Variants in MAG observed in about 807,000 individuals in gnomAD.
The protein encoded by MAG is myelin-associated glycoprotein.
A neutral mutation model predicts 60.7 loss-of-function variants in MAG; 30 were observed. The observed-to-expected ratio is 0.49, with a 90% CI of 0.37 to 0.67. The LOEUF is 0.67. MAG is among the 30% of genes least tolerant of loss of function. MAG has a pLI of 0.00. For missense variants in MAG, 795 were observed against 851.7 expected (o/e 0.93, Z 0.83); for synonymous variants, 384 against 376.8 (o/e 1.02, Z -0.22).
chr19:35,313,377 C>A lies in MAG; in HGVS notation c.1804C>A (p.Leu602Met). 2 of 1,614,124 alleles carry A rather than the reference C, an allele frequency of 1.2e-6. No individual in the cohort carries two copies. Among genetic ancestry groups the A allele is most frequent in the Non-Finnish European group, 1.7e-6 (2 of 1,180,008 alleles). ...GGACCTGAGCTATTCTCACTCGGAC[C>A]TGGGGAAACGGCCCACCAAGGACAG... is the stretch of plus-strand genomic sequence containing the variant. ...ELDLSYSHSDLGKRPTKDSYT... is the reference protein window; with the variant it reads ...ELDLSYSHSDMGKRPTKDSYT... Residue 602 changes from leucine (L) to methionine (M), a missense_variant, in exon 11 of 11, where the codon CTG (leucine) becomes ATG (methionine). Transcript: ENST00000392213.
At chr19:35,311,713 G>A (rs1468256479) in intron 9 of MAG, among the ~76,000 whole-genome samples, 1 of 152,204 alleles carries the variant, frequency 6.6e-6, no homozygotes, top group Non-Finnish European at 1.5e-5. Flanking sequence ...CAGGGGCCAG[G>A]TGGCTCGTCC....
chr19:35,301,623 G>A (rs1331860303), intron 6 of MAG, among the ~76,000 whole-genome samples: 4 of 151,896 alleles, frequency 2.6e-5, no homozygotes, highest in African/African-American at 9.7e-5. Context: ...GTAGAGACAG[G>A]GTTTCACCAT....
chr19:35,292,476 G>A (rs981632725), intron 1 of MAG, among the ~76,000 whole-genome samples: 3 of 152,082 alleles, frequency 2.0e-5, no homozygotes, highest in Non-Finnish European at 4.4e-5. Context: ...TGCAGGAGAG[G>A]TTTCCTTGGG....
chr19:35,310,501 C>T lies in MAG; in HGVS notation c.1520-46C>T, dbSNP rs202241678. ...TCTCCAAAGTTCTCAGGTGTCGTCACCACCACCCATAGCCCTAAGGGCGCC... is the reference window on the plus strand; with the variant it reads ...TCTCCAAAGTTCTCAGGTGTCGTCATCACCACCCATAGCCCTAAGGGCGCC... On this transcript the variant is annotated intron_variant, in intron 8 of 10. Coordinates refer to ENST00000392213, the MANE Select transcript of MAG (RefSeq NM_002361.4). The T allele has an allele frequency of 3.7e-5, 57 of 1,534,166 alleles. No homozygotes were observed. The Middle Eastern group carries it at 5.1e-4, about 14-fold the overall frequency.
Position 35,311,947 on chromosome 19 carries a change from C to T in MAG, c.1646C>T (p.Ser549Leu), listed in dbSNP as rs767886169. 1.2e-5 allele frequency: 20 copies of T among 1,613,066 alleles called. No individual in the cohort carries two copies. Among genetic ancestry groups the T allele is most frequent in the South Asian group, 3.3e-5 (3 of 90,930 alleles). ...AACGTGACAGAGAGCCCCAGCTTCT[C>T]GGCAGGGGACAACCCTCCCGTCCTG... ...KKNVTESPSF[S>L]AGDNPPVLFS... The change falls in exon 10 of 11, where the codon TCG becomes TTG. Residue 549 changes from serine to leucine, a missense_variant. By Grantham distance (145) the Ser-to-Leu change is moderately radical (BLOSUM62 -2). Transcript: ENST00000392213.
At position 35,293,551 on chromosome 19, in the gene MAG, C is replaced by T. The variant is rs567569620; in HGVS notation, c.-79-684C>T. ...ATGTGTCTGTGCATGTGTCTCTGTC[C>T]GTGGGAAGAGGGCGGTGAAGGCTGG... On this transcript the variant is annotated intron_variant, in intron 1 of 10. Coordinates refer to ENST00000392213, the MANE Select transcript of MAG (RefSeq NM_002361.4). This position sits in a 1 kb window ranked among gnomAD's most constrained non-coding sequence, Gnocchi z 4.0. Among the ~76,000 whole-genome samples the T allele has an allele frequency of 3.9e-4, 60 of 152,208 alleles. No individual in the cohort carries two copies. The highest frequency in any genetic ancestry group is 1.4e-3 in the African/African-American group (57 of 41,502).
chr19:35,298,782 C>A (rs898992089), intron 4 of MAG, among the ~76,000 whole-genome samples: 7 of 147,762 alleles, frequency 4.7e-5, no homozygotes, highest in African/African-American at 1.8e-4. Flanking sequence ...CCACACACGA[C>A]CCAAACTACA....
intron 6 of MAG, among the ~76,000 whole-genome samples, chr19:35,300,941 C>T (rs2066444345): frequency 6.6e-6 from 1 of 152,040 alleles, no homozygotes; most frequent in Non-Finnish European, 1.5e-5. Flanking sequence ...GCTATGTTGC[C>T]CAGGCTGGTA....
Position 35,299,729 on chromosome 19 carries a change from G to A in MAG, c.591G>A (p.Val197=). The stretch of plus-strand genomic sequence containing the variant: ...TGCGGGAGGACGAGGGCACCTGGGT[G>A]CAGGTGTCACTGCTGCACTTCGTGC... The part of the protein sequence containing the change: ...GRLREDEGTW[V]QVSLLHFVPT... The change falls in exon 5 of 11, where the codon GTG becomes GTA. Residue 197 remains valine, a synonymous_variant. Transcript: ENST00000392213. The A allele has an allele frequency of 2.6e-6, 4 of 1,567,532 alleles. No homozygotes were observed. Among genetic ancestry groups the A allele is most frequent in the Non-Finnish European group, 3.5e-6 (4 of 1,158,094 alleles).
chr19:35,295,676 G>A lies in MAG; in HGVS notation c.110G>A (p.Cys37Tyr). ...TCCATCTCGGCCTTCGAAGGCACGT[G>A]CGTCTCCATCCCCTGCCGCTTTGAC... ...PSSISAFEGT[C>Y]VSIPCRFDFP... Residue 37 changes from cysteine to tyrosine, a missense_variant, in exon 4 of 11, where the codon TGC becomes TAC. Physicochemically the swap from Cys to Tyr is radical, Grantham distance 194. Transcript: ENST00000392213. The surrounding 1 kb of genome is among the most constrained non-coding windows in gnomAD (Gnocchi z 5.8). 6.2e-7 allele frequency: 1 copy of A among 1,612,660 alleles called. No homozygotes were observed. The highest frequency in any genetic ancestry group is 8.5e-7 in the Non-Finnish European group (1 of 1,179,976).
chr19:35,313,488 C>G lies in MAG; in HGVS notation c.*34C>G, dbSNP rs201161483. On this transcript the variant is annotated 3_prime_UTR_variant, in exon 11 of 11. Transcript: ENST00000392213. ...GGGGCAGCCTGCGTGGCTGACCCCC[C>G]TCAGGACCCTCGCTGGCCCCCACTG... 2.3e-5 allele frequency: 36 copies of G among 1,571,606 alleles called. No homozygotes were observed. In the African/African-American group the frequency reaches 3.6e-4, roughly 16 times the overall value.
At chr19:35,304,954 A>G (rs989494459) in intron 7 of MAG, among the ~76,000 whole-genome samples, 3 of 152,172 alleles carry the variant, frequency 2.0e-5, no homozygotes, top group Non-Finnish European at 2.9e-5. Flanking sequence ...AGGCAGCTAT[A>G]AAAGTGGGTC....
intron 4 of MAG, 118 bp from the exon 5 acceptor site, chr19:35,299,436 C>A: frequency 1.5e-6 from 1 of 688,654 alleles, no homozygotes; most frequent in Non-Finnish European, 2.4e-6. Flanking sequence ...GGAGGCGATA[C>A]CGTTGAGGAG....
chr19:35,292,830 G>C (rs551091992), intron 1 of MAG, among the ~76,000 whole-genome samples: 5 of 151,948 alleles, frequency 3.3e-5, no homozygotes, highest in Admixed American at 3.3e-4. Flanking sequence ...AAACTTCTGG[G>C]CACAAGAGAT....
rs2066390905 is a variant in MAG at position 35,295,639 on chromosome 19, T to A, written c.73T>A (p.Trp25Arg). Residue 25 changes from tryptophan (W) to arginine (R), a missense_variant, in exon 4 of 11, where the codon TGG (tryptophan) becomes AGG (arginine). Coordinates refer to ENST00000392213, the MANE Select transcript of MAG (RefSeq NM_002361.4). The surrounding 1 kb of genome is among the most constrained non-coding windows in gnomAD (Gnocchi z 5.8). Reference protein sequence around the residue: ...SASRGGHWGAWMPSSISAFEG... With the variant: ...SASRGGHWGARMPSSISAFEG... The stretch of plus-strand genomic sequence containing the variant: ...CTCCCGAGGGGGTCACTGGGGTGCC[T>A]GGATGCCCTCGTCCATCTCGGCCTT... 2 of 1,609,526 alleles carry A rather than the reference T, an allele frequency of 1.2e-6. No individual in the cohort carries two copies. The highest frequency in any genetic ancestry group is 8.5e-7 in the Non-Finnish European group (1 of 1,179,088).
intron 4 of MAG, 31 bp downstream of exon 4, chr19:35,296,012 G>T: frequency 6.5e-7 from 1 of 1,532,038 alleles, no homozygotes; most frequent in Non-Finnish European, 8.8e-7. Flanking sequence ...CAGGCACCGG[G>T]AGCTGGGGCA....
chr19:35,302,839 C>A, intron 7 of MAG, 131 bp downstream of exon 7: 1 of 1,113,036 alleles, frequency 9.0e-7, no homozygotes, highest in South Asian at 1.6e-5. Context: ...GAAGGGAGGG[C>A]AGGGAAGCTG....
chr19:35,300,205 G>T lies in MAG; in HGVS notation c.771G>T (p.Val257=), dbSNP rs143350237. ...TGGAGGCCATCGAGGGCTCCCACGT[G>T]AGCCTGCTCTGTGGGGCTGACAGCA... ...SSVEAIEGSH[V]SLLCGADSNP... The change falls in exon 6 of 11, where the codon GTG becomes GTT. Residue 257 remains valine, a synonymous_variant. Coordinates refer to ENST00000392213, the MANE Select transcript of MAG (RefSeq NM_002361.4). 2 of 1,576,470 alleles carry T rather than the reference G, an allele frequency of 1.3e-6. No individual in the cohort carries two copies. Among genetic ancestry groups the T allele is most frequent in the Non-Finnish European group, 1.7e-6 (2 of 1,157,550 alleles).
intron 7 of MAG, among the ~76,000 whole-genome samples, chr19:35,309,577 GC>G (rs1484508193): frequency 6.6e-6 from 1 of 152,136 alleles, no homozygotes; most frequent in East Asian, 1.9e-4. Flanking sequence ...ACCATGCCCG[GC>G]CTCTTTCAGT....
Sources: allele counts gnomAD v4.1 joint callset (sites outside exome capture counted in the v4.1 genomes callset), GRCh38; gene constraint gnomAD v4.1.1; non-coding constraint Gnocchi (gnomAD v3.1); transcripts MANE v1.5; gene names NCBI Gene and HGNC (gene_info 2026-07-23, HGNC 2026-07-21).